ITGA11: variants seen among roughly 807,000 people sequenced by gnomAD.
The protein encoded by ITGA11 is integrin subunit alpha 11, also known as integrin alpha-11.
Under a neutral mutation model 141.9 loss-of-function variants are expected in ITGA11, and 97 were observed. That is an observed-to-expected ratio of 0.68 (90% CI 0.58 to 0.81). The LOEUF is 0.81. Ranked by LOEUF, ITGA11 falls within the 30% of genes least tolerant of loss-of-function variation. The probability of loss-of-function intolerance (pLI) is 0.00; values close to 1 mark genes in which losing one functional copy is unlikely to be tolerated. For missense variants in ITGA11, 1,387 were observed against 1,559.2 expected (o/e 0.89, Z 1.86); for synonymous variants, 658 against 624.6 (o/e 1.05, Z -0.80).
At chr15:68,332,549 G>C (rs575041850) in intron 12 of ITGA11, 71 bp from the exon 13 acceptor site, 1 of 1,528,420 alleles carries the variant, frequency 6.5e-7, no homozygotes, top group South Asian at 1.2e-5. Flanking sequence ...CTCGCCTCGC[G>C]GGCAGAGGGA....
At chr15:68,407,922 A>T (rs1896685953) in intron 1 of ITGA11, among the ~76,000 whole-genome samples, 1 of 152,236 alleles carries the variant, frequency 6.6e-6, no homozygotes, top group African/African-American at 2.4e-5. Context: ...AGGCCATTCA[A>T]CAGCTCAGCG....
intron 24 of ITGA11, among the ~76,000 whole-genome samples, chr15:68,312,517 TA>T (rs1222951361): frequency 2.0e-5 from 3 of 152,184 alleles, no homozygotes; most frequent in Admixed American, 1.3e-4. Context: ...AACCACTGTT[TA>T]AAAAAAATTT....
In ITGA11 at chr15:68,328,199, G is replaced by A; in HGVS notation, c.1965C>T (p.Phe655=). Residue 655 remains phenylalanine (F), a synonymous_variant, in exon 16 of 30, where the codon TTC becomes TTT. Transcript: ENST00000315757. This position sits in a 1 kb window ranked among gnomAD's most constrained non-coding sequence, Gnocchi z 4.8. Reference sequence around the variant, plus strand: ...TGCCACTGCGCTTGCAGTCTCTGTGGAAGATGTTGATCTTGGATGGCTCAA... The same window carrying A: ...TGCCACTGCGCTTGCAGTCTCTGTGAAAGATGTTGATCTTGGATGGCTCAA... The part of the protein sequence containing the change: ...LHFEPSKINI[F]HRDCKRSGRD... 2 of 1,613,972 alleles carry A rather than the reference G, an allele frequency of 1.2e-6. No individual in the cohort carries two copies. The highest frequency in any genetic ancestry group is 1.7e-6 in the Non-Finnish European group (2 of 1,179,890).
intron 28 of ITGA11, among the ~76,000 whole-genome samples, chr15:68,306,889 G>A (rs1321486370): frequency 6.6e-6 from 1 of 152,194 alleles, no homozygotes; most frequent in East Asian, 1.9e-4. Context: ...CCACAGGACT[G>A]GGCTTTGCTT....
In ITGA11 at chr15:68,304,020, G is replaced by T; in HGVS notation, c.3382-135C>A. On this transcript the variant is annotated intron_variant, in intron 28 of 29. Transcript: ENST00000315757. The surrounding 1 kb of genome is among the most constrained non-coding windows in gnomAD (Gnocchi z 6.1). ...TCCTCTTCCTCAGGGGGATACCAGA[G>T]GGATGGGTGGACAGGCCAGCCAAGG... is the stretch of plus-strand genomic sequence containing the variant. 1.7e-6 allele frequency: 1 copy of T among 589,554 alleles called. No homozygotes were observed. Among genetic ancestry groups the T allele is most frequent in the Non-Finnish European group, 3.0e-6 (1 of 327,996 alleles). 36.5% of individuals were successfully genotyped at this position (589,554 alleles called of 1,614,324 possible).
chr15:68,384,302 G>C (rs1895931838), intron 2 of ITGA11, among the ~76,000 whole-genome samples: 1 of 151,516 alleles, frequency 6.6e-6, no homozygotes, highest in Non-Finnish European at 1.5e-5. Context: ...AAAAAGCAAG[G>C]AGAGAAGAGG....
chr15:68,394,258 C>T (rs1034849071), intron 2 of ITGA11, among the ~76,000 whole-genome samples: 3 of 152,138 alleles, frequency 2.0e-5, no homozygotes, highest in African/African-American at 7.2e-5. Flanking sequence ...TTAAATTATA[C>T]AGCAGCTCTC....
intron 10 of ITGA11, 146 bp from the exon 11 acceptor site, chr15:68,339,790 G>T: frequency 1.2e-6 from 1 of 850,448 alleles, no homozygotes; most frequent in Non-Finnish European, 1.8e-6. Flanking sequence ...CTAACTTCTG[G>T]CTGGGGCTCT....
At chr15:68,376,015 G>A (rs769279609) in intron 2 of ITGA11, among the ~76,000 whole-genome samples, 3 of 152,170 alleles carry the variant, frequency 2.0e-5, no homozygotes, top group Non-Finnish European at 2.9e-5. Context: ...AACAGAGGCT[G>A]AAACTGGGGG....
At chr15:68,378,276 G>A (rs201788262) in intron 2 of ITGA11, among the ~76,000 whole-genome samples, 16,792 of 82,174 alleles carry the variant, frequency 0.2, 1,670 homozygotes, top group African/African-American at 0.37. Context: ...GTGTTATACC[G>A]TTCTCCTGTT....
intron 24 of ITGA11, 42 bp downstream of exon 24, chr15:68,312,731 A>T (rs376100939): frequency 6.8e-7 from 1 of 1,465,170 alleles, no homozygotes; most frequent in Non-Finnish European, 9.5e-7. Context: ...GGGTGCTCAG[A>T]TCCCGTCCTT....
chr15:68,331,969 G>C lies in ITGA11; in HGVS notation c.1660C>G (p.Gln554Glu), dbSNP rs778258186. The C allele has an allele frequency of 6.2e-7, 1 of 1,613,286 alleles. No individual in the cohort carries two copies. Among genetic ancestry groups the C allele is most frequent in the South Asian group, 1.1e-5 (1 of 90,798 alleles). The change falls in exon 14 of 30, where the codon CAG (glutamine) becomes GAG (glutamate). Residue 554 changes from glutamine (Q) to glutamate (E), a missense_variant. By Grantham distance (29) the Gln-to-Glu change is conservative. Coordinates refer to ENST00000315757, the MANE Select transcript of ITGA11 (RefSeq NM_001004439.2). ...SSIASVRDLN[Q>E]DSYNDVVVGA... ...ACCACCACGTCATTGTAGGAATCCT[G>C]GTTGAGGTCTCGAACTGAGGCAATG... is the stretch of plus-strand genomic sequence containing the variant.
chr15:68,397,510 AT>A lies in ITGA11; in HGVS notation c.164+5407del, dbSNP rs1313297334. 4.3e-5 allele frequency among the ~76,000 whole-genome samples: 4 copies of A among 93,958 alleles called. 1 individual carries two copies. The highest frequency in any genetic ancestry group is 1.9e-4 in the African/African-American group (4 of 21,218). 61.6% of individuals were successfully genotyped at this position (93,958 alleles called of 152,430 possible). A position where few individuals can be genotyped will look rare whatever the true frequency, so the allele number is the denominator to read the frequency against. On this transcript the variant is annotated intron_variant, in intron 2 of 29. Coordinates refer to ENST00000315757, the MANE Select transcript of ITGA11 (RefSeq NM_001004439.2). ...ATATTTTAAAATAAAATATTTTAAA[AT>A]ATATTTAAAATATTATAAAATATTT...
In ITGA11 at chr15:68,407,433, C is replaced by G. The variant is rs77626471; in HGVS notation, c.53-4404G>C. 4.8e-3 allele frequency among the ~76,000 whole-genome samples: 725 copies of G among 152,294 alleles called. 6 individuals are homozygous for G. The highest frequency in any genetic ancestry group is 0.017 in the African/African-American group (698 of 41,560). Reference sequence around the variant, plus strand: ...TGTCAGTCAAGTCCATCTCTCTGACCTCGGCTCCTGACAAGATCTCTGGCC... The same window carrying G: ...TGTCAGTCAAGTCCATCTCTCTGACGTCGGCTCCTGACAAGATCTCTGGCC... On this transcript the variant is annotated intron_variant, in intron 1 of 29. Transcript: ENST00000315757.
At chr15:68,370,357 G>A (rs551433153) in intron 2 of ITGA11, among the ~76,000 whole-genome samples, 61 of 152,288 alleles carry the variant, frequency 4.0e-4, no homozygotes, top group African/African-American at 1.4e-3. Context: ...GTGCGGCTGT[G>A]GACTCACCCC....
intron 1 of ITGA11, among the ~76,000 whole-genome samples, chr15:68,421,306 TGAA>T (rs1350978051): frequency 6.6e-6 from 1 of 151,496 alleles, no homozygotes; most frequent in Non-Finnish European, 1.5e-5. Flanking sequence ...CTGATGTGTT[TGAA>T]GAACAGCCCG....
chr15:68,317,776 TATG>T (rs1893644231), intron 20 of ITGA11, among the ~76,000 whole-genome samples: 1 of 152,198 alleles, frequency 6.6e-6, no homozygotes, highest in Admixed American at 6.5e-5. Flanking sequence ...CAGCTACAGT[TATG>T]ATGATTATTT....
intron 10 of ITGA11, among the ~76,000 whole-genome samples, chr15:68,342,997 T>TTCTCTCTCTCTCTCTCTCTCTCTCTC (rs6145615): frequency 6.9e-6 from 1 of 143,932 alleles, no homozygotes; most frequent in Non-Finnish European, 1.5e-5. Flanking sequence ...GGGCAAGTTC[T>TTCTCTCTCTCTCTCTCTCTCTCTCTC]TCTCTCTCTC....
rs79614325 is a variant in ITGA11, at chr15:68,377,362, C to T, written c.165-8078G>A. Among the ~76,000 whole-genome samples the T allele has an allele frequency of 6.5e-3, 986 of 152,204 alleles. 26 individuals carry two copies. The East Asian group carries it at 0.096, about 15-fold the overall frequency. On this transcript the variant is annotated intron_variant, in intron 2 of 29. Coordinates refer to ENST00000315757, the MANE Select transcript of ITGA11 (RefSeq NM_001004439.2). ...TCTCAGCTCACTGCAACCTCCACCC[C>T]GCTGGGTTCAAGCAATTCTCCTGCC... is the stretch of plus-strand genomic sequence containing the variant.
Sources: allele counts gnomAD v4.1 joint callset (sites outside exome capture counted in the v4.1 genomes callset), GRCh38; gene constraint gnomAD v4.1.1; non-coding constraint Gnocchi (gnomAD v3.1); transcripts MANE v1.5; gene names NCBI Gene and HGNC (gene_info 2026-07-23, HGNC 2026-07-21).